ANKS1A: variants seen among roughly 807,000 people sequenced by gnomAD.
ANKS1A encodes ankyrin repeat and sterile alpha motif domain containing 1A.
A neutral mutation model predicts 120.3 loss-of-function variants in ANKS1A; 55 were observed. That is an observed-to-expected ratio of 0.46 (90% CI 0.37 to 0.57). ANKS1A has a LOEUF of 0.57. ANKS1A is among the 20% of genes least tolerant of loss of function. ANKS1A has a pLI of 0.00. For synonymous variants in ANKS1A, 590 were observed against 604.7 expected (o/e 0.98, Z 0.36); for missense variants, 1,123 against 1,480.3 (o/e 0.76, Z 3.96).
chr6:34,901,937 T>C (rs971293372), intron 1 of ANKS1A, among the ~76,000 whole-genome samples: 3 of 152,262 alleles, frequency 2.0e-5, no homozygotes, highest in Non-Finnish European at 4.4e-5. Flanking sequence ...TCTAGCTAAG[T>C]AGCTCTGAAA....
In ANKS1A at chr6:35,086,264, C is replaced by T; in HGVS notation, c.3303+328C>T. Reference sequence around the variant, plus strand: ...GTGTCTGTGTCTGCTTTGCTCTGCACCCCAGGTGCCGCTGCCCCCCGATAG... The same window carrying T: ...GTGTCTGTGTCTGCTTTGCTCTGCATCCCAGGTGCCGCTGCCCCCCGATAG... On this transcript the variant is annotated intron_variant, in intron 22 of 23. Transcript: ENST00000360359. This position sits in a 1 kb window ranked among gnomAD's most constrained non-coding sequence, Gnocchi z 5.1. 1 of 1,346,120 alleles carries T rather than the reference C, an allele frequency of 7.4e-7. No individual in the cohort carries two copies. Among genetic ancestry groups the T allele is most frequent in the Non-Finnish European group, 9.7e-7 (1 of 1,026,126 alleles). 83.4% of individuals were successfully genotyped at this position (1,346,120 alleles called of 1,614,324 possible).
At position 35,085,915 on chromosome 6, in the gene ANKS1A, G is replaced by A; in HGVS notation, c.3282G>A (p.Arg1094=). The change falls in exon 22 of 24, where the codon CGG becomes CGA. Residue 1094 remains arginine, a synonymous_variant. Coordinates refer to ENST00000360359, the MANE Select transcript of ANKS1A (RefSeq NM_015245.3). This position sits in a 1 kb window ranked among gnomAD's most constrained non-coding sequence, Gnocchi z 4.7. ...CTTCCAAACCGGTGCCTAAGCCTCG[G>A]GTCGGCGTGAGGAAATCCGCAGTAC... ...TKSSKPVPKP[R]VGVRKSALEP... is the part of the protein sequence containing the mutation. 6.2e-7 allele frequency: 1 copy of A among 1,610,112 alleles called. No individual in the cohort carries two copies. The highest frequency in any genetic ancestry group is 8.5e-7 in the Non-Finnish European group (1 of 1,178,792).
chr6:35,057,228 C>T lies in ANKS1A; in HGVS notation c.2078-2919C>T, dbSNP rs983481247. Among the ~76,000 whole-genome samples, 1 of 152,098 alleles carries T rather than the reference C, an allele frequency of 6.6e-6. No homozygotes were observed. Among genetic ancestry groups the T allele is most frequent in the African/African-American group, 2.4e-5 (1 of 41,430 alleles). On this transcript the variant is annotated intron_variant, in intron 12 of 23. Coordinates refer to ENST00000360359, the MANE Select transcript of ANKS1A (RefSeq NM_015245.3). This position sits in a 1 kb window ranked among gnomAD's most constrained non-coding sequence, Gnocchi z 4.1. ...CACCACTGGAGCTAGTTAGCTGAAT[C>T]GCCAACAGAAGCGTTTACAGCTAAC...
intron 1 of ANKS1A, among the ~76,000 whole-genome samples, chr6:34,907,391 C>G (rs1767696457): frequency 6.6e-6 from 1 of 152,118 alleles, no homozygotes; most frequent in African/African-American, 2.4e-5. Flanking sequence ...TCGAGGACCC[C>G]CATCTATAAC....
chr6:34,917,195 G>A (rs1305676169), intron 1 of ANKS1A, among the ~76,000 whole-genome samples: 2 of 152,210 alleles, frequency 1.3e-5, no homozygotes, highest in Non-Finnish European at 2.9e-5. Flanking sequence ...AGAGAAGGAA[G>A]AAGGCTTTGA....
Position 35,090,999 on chromosome 6 carries a change from G to A in ANKS1A, c.*2390G>A, listed in dbSNP as rs1350224967. ...TCCCGAGATGCTCGGGTTTGAGCAG[G>A]GAGCAGGCAGAGCTGCAGTCAGAGA... On this transcript the variant is annotated 3_prime_UTR_variant, in exon 24 of 24. Coordinates refer to ENST00000360359, the MANE Select transcript of ANKS1A (RefSeq NM_015245.3). 2 of 985,786 alleles carry A rather than the reference G, an allele frequency of 2.0e-6. No individual in the cohort carries two copies. Among genetic ancestry groups the A allele is most frequent in the Non-Finnish European group, 2.4e-6 (2 of 829,964 alleles). The allele number at this position is 985,786 out of a possible 1,614,324, so 61.1% of individuals were successfully genotyped here.
intron 3 of ANKS1A, among the ~76,000 whole-genome samples, chr6:34,979,253 C>A (rs1771774573): frequency 1.3e-5 from 2 of 152,196 alleles, no homozygotes; most frequent in South Asian, 4.1e-4. Flanking sequence ...TTGAGAATCA[C>A]TGATAGTTCT....
At chr6:34,912,080 A>G (rs1490657980) in intron 1 of ANKS1A, among the ~76,000 whole-genome samples, 1 of 152,260 alleles carries the variant, frequency 6.6e-6, no homozygotes, top group Non-Finnish European at 1.5e-5. Flanking sequence ...AAAGCTGAGT[A>G]TGTGACCTCT....
chr6:34,956,823 A>G (rs547956910), intron 1 of ANKS1A, among the ~76,000 whole-genome samples: 2 of 152,294 alleles, frequency 1.3e-5, no homozygotes, highest in African/African-American at 4.8e-5. Flanking sequence ...GCTGGTTCTT[A>G]CAGAATAAAT....
chr6:34,954,753 A>G (rs553372397), intron 1 of ANKS1A, among the ~76,000 whole-genome samples: 1 of 152,350 alleles, frequency 6.6e-6, no homozygotes, highest in East Asian at 1.9e-4. Flanking sequence ...TCCTTTGTGC[A>G]TCAGTCCCAC....
Position 34,967,317 on chromosome 6 carries a change from T to C in ANKS1A, c.276T>C (p.His92=). 6.2e-7 allele frequency: 1 copy of C among 1,613,304 alleles called. No homozygotes were observed. The highest frequency in any genetic ancestry group is 1.1e-5 in the South Asian group (1 of 91,060). Residue 92 remains histidine (H), a splice_region_variant and synonymous_variant, in exon 2 of 24, where the codon CAT becomes CAC. Transcript: ENST00000360359. ...TGCACCATGCTGCTTTGAATGGCCA[T>C]AAGTAAGTATCAATGTACTACATTC... ...TPLHHAALNG[H]KDVVEVLLRN... is the part of the protein sequence containing the mutation.
chr6:35,013,865 G>C (rs115702844), intron 10 of ANKS1A, among the ~76,000 whole-genome samples: 1 of 152,186 alleles, frequency 6.6e-6, no homozygotes, highest in Admixed American at 6.5e-5. Context: ...TGTGAGGAAC[G>C]GAGAAGTAGT....
chr6:35,057,389 G>C lies in ANKS1A; in HGVS notation c.2078-2758G>C, dbSNP rs1182293408. Among the ~76,000 whole-genome samples the C allele has an allele frequency of 2.0e-5, 3 of 152,164 alleles. No homozygotes were observed. The highest frequency in any genetic ancestry group is 7.2e-5 in the African/African-American group (3 of 41,456). On this transcript the variant is annotated intron_variant, in intron 12 of 23. Transcript: ENST00000360359. The surrounding 1 kb of genome is among the most constrained non-coding windows in gnomAD (Gnocchi z 4.1). ...ACTTGCTTGGCTGTCTTCTGATAAA[G>C]CCAGCCATGTTAGGTATTGAGTAGC...
intron 10 of ANKS1A, among the ~76,000 whole-genome samples, chr6:35,010,413 G>A (rs1334103978): frequency 1.3e-5 from 2 of 152,282 alleles, no homozygotes; most frequent in South Asian, 4.1e-4. Flanking sequence ...GGCTATCCAA[G>A]TTCAAGGCAT....
Position 35,088,951 on chromosome 6 carries a change from A to AATC in ANKS1A, c.*343_*345dup. On this transcript the variant is annotated 3_prime_UTR_variant, in exon 24 of 24. Transcript: ENST00000360359. ...GCTCAAACCTCTAGGTCATACTGCC[A>AATC]ATCTTTAGACAAATGGCCATGGGGC... The AATC allele has an allele frequency of 7.9e-7, 1 of 1,265,116 alleles. No individual in the cohort carries two copies. Among genetic ancestry groups the AATC allele is most frequent in the Non-Finnish European group, 1.0e-6 (1 of 994,484 alleles). 78.4% of individuals were successfully genotyped at this position (1,265,116 alleles called of 1,614,324 possible).
the ANKS1A span, among the ~76,000 whole-genome samples, chr6:35,097,981 A>G: frequency 6.6e-6 from 1 of 152,254 alleles, no homozygotes; most frequent in African/African-American, 2.4e-5. Flanking sequence ...TCAGAAGCGT[A>G]AGTTGGATGC....
intron 1 of ANKS1A, among the ~76,000 whole-genome samples, chr6:34,951,603 A>C (rs2127493452): frequency 6.6e-6 from 1 of 152,322 alleles, no homozygotes; most frequent in South Asian, 2.1e-4. Context: ...CTAGACTCTG[A>C]TAATAAATTT....
At chr6:34,946,480 C>T (rs899314835) in intron 1 of ANKS1A, among the ~76,000 whole-genome samples, 3 of 151,090 alleles carry the variant, frequency 2.0e-5, no homozygotes, top group East Asian at 2.0e-4. Flanking sequence ...CCCAGCTACT[C>T]GGGAGGCTGA....
intron 3 of ANKS1A, among the ~76,000 whole-genome samples, chr6:34,980,925 T>G (rs1771870726): frequency 6.6e-6 from 1 of 152,218 alleles, no homozygotes; most frequent in Non-Finnish European, 1.5e-5. Flanking sequence ...ATATTACATT[T>G]GAATATTTTG....
Sources: gnomAD v4.1 joint callset for allele counts (sites outside exome capture counted in the v4.1 genomes callset) on GRCh38, gnomAD v4.1.1 for gene constraint, Gnocchi (gnomAD v3.1) non-coding constraint, MANE v1.5 for transcripts, NCBI Gene and HGNC (gene_info 2026-07-23, HGNC 2026-07-21) for gene names.